PTPN14: variants seen among roughly 807,000 people sequenced by gnomAD.
The protein encoded by PTPN14 is tyrosine-protein phosphatase non-receptor type 14.
Under a neutral mutation model 126.8 loss-of-function variants are expected in PTPN14, and 53 were observed. That is an observed-to-expected ratio of 0.42 (90% CI 0.34 to 0.53). The LOEUF is 0.53. PTPN14 is among the 20% of genes least tolerant of loss of function. The pLI is 0.08. For synonymous variants in PTPN14, 630 were observed against 599.3 expected (o/e 1.05, Z -0.75); for missense variants, 1,257 against 1,552.9 (o/e 0.81, Z 3.20).
chr1:214,460,328 C>G (rs1032864193), intron 2 of PTPN14, among the ~76,000 whole-genome samples: 4 of 152,070 alleles, frequency 2.6e-5, no homozygotes, highest in African/African-American at 7.2e-5. Context: ...ACAGCAAACC[C>G]TTCAAAAGCA....
At chr1:214,415,605 C>A (rs908054063) in intron 3 of PTPN14, among the ~76,000 whole-genome samples, 1 of 152,196 alleles carries the variant, frequency 6.6e-6, no homozygotes, top group African/African-American at 2.4e-5. Context: ...TCAAGGGAAC[C>A]CATAAGTGAA....
At chr1:214,358,764 C>CA (rs1203818064) in intron 18 of PTPN14, among the ~76,000 whole-genome samples, 6 of 142,166 alleles carry the variant, frequency 4.2e-5, no homozygotes, top group Non-Finnish European at 7.6e-5. Flanking sequence ...TTTTTTGAGA[C>CA]AGAGTTTCAC....
intron 18 of PTPN14, among the ~76,000 whole-genome samples, chr1:214,360,156 AAAT>A (rs1193467201): frequency 1.3e-5 from 2 of 152,218 alleles, no homozygotes; most frequent in Non-Finnish European, 2.9e-5. Flanking sequence ...GTTTAAAAGA[AAAT>A]AATAAAAACT....
rs529535501 is a variant in PTPN14, at chr1:214,432,460, G to A, written c.345-17734C>T. On this transcript the variant is annotated intron_variant, in intron 3 of 18. Transcript: ENST00000366956. ...GCATATGCATATTCAGCAGAAATAA[G>A]TACATTCATGAGAGCCTGTGTGAGA... Among the ~76,000 whole-genome samples the A allele has an allele frequency of 1.6e-4, 25 of 152,322 alleles. No homozygotes were observed. In the South Asian group the frequency reaches 5.0e-3, roughly 30 times the overall value.
At chr1:214,480,474 G>T (rs1198094333) in intron 1 of PTPN14, among the ~76,000 whole-genome samples, 2 of 152,148 alleles carry the variant, frequency 1.3e-5, no homozygotes, top group African/African-American at 4.8e-5. Flanking sequence ...TCCCAAAAGG[G>T]ATACCTCAAA....
rs1251684128 is a variant in PTPN14 at position 214,369,576 on chromosome 1, T to G, written c.3152A>C (p.Tyr1051Ser). ...CTTGACCTTCAAGCCCGTGGTTGCA[T>G]AGCAAACAGAATCCGTTCGAAACTT... ...TTKFRTDSVC[Y>S]ATTGLKVKHL... The change falls in exon 17 of 19, where the codon TAT (tyrosine) becomes TCT (serine). Residue 1051 changes from tyrosine (Y) to serine (S), a missense_variant. By Grantham distance (144) the Tyr-to-Ser change is moderately radical (BLOSUM62 -2). Around this residue, in one of 3 missense-constraint regions of PTPN14, gnomAD observed 171 missense variants for 229.8 expected, o/e 0.74. Transcript: ENST00000366956. The G allele has an allele frequency of 2.5e-6, 4 of 1,614,088 alleles. No homozygotes were observed. The highest frequency in any genetic ancestry group is 3.3e-5 in the Admixed American group (2 of 60,008).
rs2102489509 is a variant in PTPN14 at position 214,349,573 on chromosome 1, TG to T, written c.*8348del. 6.6e-6 allele frequency: 1 copy of T among 152,358 alleles called. No homozygotes were observed. Among genetic ancestry groups the T allele is most frequent in the African/African-American group, 2.4e-5 (1 of 41,578 alleles). The allele number at this position is 152,358 out of a possible 1,614,324, so 9.4% of individuals were successfully genotyped here. ...AAACAAACTAGATTAGCTTGTTACT[TG>T]ATGTAACACAAGTTACATAAGGTTA... On this transcript the variant is annotated 3_prime_UTR_variant, in exon 19 of 19. Coordinates refer to ENST00000366956, the MANE Select transcript of PTPN14 (RefSeq NM_005401.5).
intron 3 of PTPN14, among the ~76,000 whole-genome samples, chr1:214,427,767 G>A (rs770017074): frequency 1.3e-5 from 2 of 152,068 alleles, no homozygotes; most frequent in African/African-American, 2.4e-5. Context: ...TAATAAAAGC[G>A]AACTCTGAGC....
At position 214,391,192 on chromosome 1, in the gene PTPN14, T is replaced by C. The variant is rs192881061; in HGVS notation, c.930-147A>G. 4.3e-4 allele frequency: 191 copies of C among 445,638 alleles called. 1 individual carries two copies. The highest frequency in any genetic ancestry group is 3.3e-3 in the African/African-American group (167 of 49,898). The allele number at this position is 445,638 out of a possible 1,614,324, so 27.6% of individuals were successfully genotyped here. A position where few individuals can be genotyped will look rare whatever the true frequency, so the allele number is the denominator to read the frequency against. On this transcript the variant is annotated intron_variant, in intron 10 of 18. Transcript: ENST00000366956. Reference sequence around the variant, plus strand: ...GTGGCTTATTTCTGGGTGGTAACACTAAGAACAATCTTGATTTGCTTTGTT... The same window carrying C: ...GTGGCTTATTTCTGGGTGGTAACACCAAGAACAATCTTGATTTGCTTTGTT...
chr1:214,461,041 C>A (rs1057187648), intron 2 of PTPN14, among the ~76,000 whole-genome samples: 3 of 152,048 alleles, frequency 2.0e-5, no homozygotes, highest in Admixed American at 1.3e-4. Context: ...GGAGGGTGTA[C>A]ATGCACGGGG....
chr1:214,379,158 T>C (rs754569653), intron 13 of PTPN14, among the ~76,000 whole-genome samples: 1 of 151,982 alleles, frequency 6.6e-6, no homozygotes, highest in Non-Finnish European at 1.5e-5. Context: ...AGCAGATGAG[T>C]TTTGCAGGGT....
Position 214,411,732 on chromosome 1 carries a change from AT to A in PTPN14, c.461del (p.Asn154IlefsTer29). The A allele has an allele frequency of 6.6e-7, 1 of 1,510,968 alleles. No individual in the cohort carries two copies. Among genetic ancestry groups the A allele is most frequent in the Non-Finnish European group, 9.1e-7 (1 of 1,095,854 alleles). 93.6% of individuals were successfully genotyped at this position (1,510,968 alleles called of 1,614,324 possible). A position where few individuals can be genotyped will look rare whatever the true frequency, so the allele number is the denominator to read the frequency against. Reference protein sequence around the residue: ...LAVQADFGDYNQFDSQDFLRE... With the variant: ...LAVQADFGDYXQFDSQDFLRE... ...TGAGGAAATCTTGAGAATCAAACTG[AT>A]TATAGTCTCCAAAATCAGCTGAGAA... On this transcript the variant is annotated frameshift_variant, in exon 5 of 19. Coordinates refer to ENST00000366956, the MANE Select transcript of PTPN14 (RefSeq NM_005401.5). LOFTEE classifies it high-confidence loss of function.
At chr1:214,468,010 T>C (rs1316021514) in intron 1 of PTPN14, among the ~76,000 whole-genome samples, 1 of 151,624 alleles carries the variant, frequency 6.6e-6, no homozygotes, top group African/African-American at 2.4e-5. Flanking sequence ...GAAAACAAAA[T>C]GTAGTGTGTG....
chr1:214,510,386 C>T (rs1396982926), intron 1 of PTPN14, among the ~76,000 whole-genome samples: 1 of 152,210 alleles, frequency 6.6e-6, no homozygotes, highest in Non-Finnish European at 1.5e-5. Context: ...AACAGACTTG[C>T]TCAATGCATG....
rs1299147799 is a variant in PTPN14, at chr1:214,357,427, C to G, written c.*495G>C. 1.3e-5 allele frequency: 2 copies of G among 152,072 alleles called. No individual in the cohort carries two copies. Among genetic ancestry groups the G allele is most frequent in the East Asian group, 1.9e-4 (1 of 5,180 alleles). The allele number at this position is 152,072 out of a possible 1,614,324, so 9.4% of individuals were successfully genotyped here. On this transcript the variant is annotated 3_prime_UTR_variant, in exon 19 of 19. Transcript: ENST00000366956. ...GAGAATCGTGTTTGTTCCTTCAGAC[C>G]CTTTTCTTTATATTTCAGGATGAAT... is the stretch of plus-strand genomic sequence containing the variant.
In PTPN14 at chr1:214,350,322, G is replaced by C. The variant is rs1336397753; in HGVS notation, c.*7600C>G. ...AACAAATGGGTCTTCCTATACATCAGTCTGCCAAATGCAGCCTCTCTCAAT... is the reference window on the plus strand; with the variant it reads ...AACAAATGGGTCTTCCTATACATCACTCTGCCAAATGCAGCCTCTCTCAAT... On this transcript the variant is annotated 3_prime_UTR_variant, in exon 19 of 19. Transcript: ENST00000366956. 1 of 152,178 alleles carries C rather than the reference G, an allele frequency of 6.6e-6. No homozygotes were observed. Among genetic ancestry groups the C allele is most frequent in the Non-Finnish European group, 1.5e-5 (1 of 68,042 alleles). The allele number at this position is 152,178 out of a possible 1,614,324, so 9.4% of individuals were successfully genotyped here.
intron 1 of PTPN14, chr1:214,529,810 G>C (rs1419661490): frequency 6.6e-6 from 1 of 152,318 alleles, no homozygotes; most frequent in Admixed American, 6.5e-5. Flanking sequence ...CTTGAACCTG[G>C]GAGGTGGAGG....
intron 18 of PTPN14, among the ~76,000 whole-genome samples, chr1:214,363,001 T>A (rs73074012): frequency 0.037 from 5,593 of 152,262 alleles, 191 homozygotes; most frequent in African/African-American, 0.089. Flanking sequence ...AATGGATGGA[T>A]TGAGACTCAG....
intron 3 of PTPN14, among the ~76,000 whole-genome samples, chr1:214,429,567 A>T (rs147332159): frequency 7.1e-4 from 108 of 152,356 alleles, no homozygotes; most frequent in African/African-American, 2.5e-3. Flanking sequence ...TCAGTGCTGT[A>T]TTACCAGTAA....
Sources: allele counts gnomAD v4.1 joint callset (sites outside exome capture counted in the v4.1 genomes callset), GRCh38; gene constraint gnomAD v4.1.1; regional missense constraint gnomAD v4.1.1; transcripts MANE v1.5; gene names NCBI Gene and HGNC (gene_info 2026-07-23, HGNC 2026-07-21).